MAS1: variants seen among roughly 807,000 people sequenced by gnomAD.
MAS1 encodes the protein MAS1 proto-oncogene, G protein-coupled receptor.
For synonymous variants in MAS1, 163 were observed against 164.2 expected, an observed-to-expected ratio of 0.99 and a Z score of 0.05; for missense variants, 387 against 409.7, an observed-to-expected ratio of 0.94 and a Z score of 0.48.
rs548639647 is a variant in MAS1 at position 159,891,604 on chromosome 6, C to T, written c.-244+471C>T. 2.6e-5 allele frequency among the ~76,000 whole-genome samples: 4 copies of T among 152,268 alleles called. No homozygotes were observed. The East Asian group carries it at 7.7e-4, about 29-fold the overall frequency. ...AGCTCTTTGGCATCACAGGGGCAAGCTGTATTGATTTTTCTTCATTTTTCC... is the reference window on the plus strand; with the variant it reads ...AGCTCTTTGGCATCACAGGGGCAAGTTGTATTGATTTTTCTTCATTTTTCC... On this transcript the variant is annotated intron_variant, in intron 1 of 2. Coordinates refer to ENST00000674077, the MANE Select transcript of MAS1 (RefSeq NM_002377.4).
chr6:159,890,292 G>A (rs1782682171), upstream of MAS1, among the ~76,000 whole-genome samples: 1 of 152,306 alleles, frequency 6.6e-6, no homozygotes, highest in Admixed American at 6.5e-5. Context: ...ACAGGGATCG[G>A]GGAAAAGGAA....
chr6:159,905,602 C>T (rs1372746709), intron 2 of MAS1, among the ~76,000 whole-genome samples: 4 of 152,254 alleles, frequency 2.6e-5, no homozygotes, highest in African/African-American at 9.6e-5. Context: ...AGCTCAGGGC[C>T]CTGCACATGC....
intron 2 of MAS1, among the ~76,000 whole-genome samples, chr6:159,901,895 A>G (rs1214125397): frequency 6.6e-6 from 1 of 152,132 alleles, no homozygotes; most frequent in East Asian, 1.9e-4. Flanking sequence ...GCAATTTGAA[A>G]CACCTTTCTC....
chr6:159,911,533 T>G lies in MAS1; in HGVS notation c.*3600T>G, dbSNP rs1340540022. On this transcript the variant is annotated 3_prime_UTR_variant, in exon 3 of 3. Transcript: ENST00000674077. ...TTCTTTTTTCAGTGAAGTACACCGC[T>G]GGTCACCCTGTCCCCCTTGCTATGC... 1 of 152,362 alleles carries G rather than the reference T, an allele frequency of 6.6e-6. No individual in the cohort carries two copies. The highest frequency in any genetic ancestry group is 1.5e-5 in the Non-Finnish European group (1 of 68,370). 9.4% of individuals were successfully genotyped at this position (152,362 alleles called of 1,614,324 possible).
chr6:159,908,462 C>G lies in MAS1; in HGVS notation c.*529C>G, dbSNP rs1444581991. 1 of 152,220 alleles carries G rather than the reference C, an allele frequency of 6.6e-6. No homozygotes were observed. The highest frequency in any genetic ancestry group is 1.5e-5 in the Non-Finnish European group (1 of 68,324). 9.4% of individuals were successfully genotyped at this position (152,220 alleles called of 1,614,324 possible). A position where few individuals can be genotyped will look rare whatever the true frequency, so the allele number is the denominator to read the frequency against. On this transcript the variant is annotated 3_prime_UTR_variant, in exon 3 of 3. Coordinates refer to ENST00000674077, the MANE Select transcript of MAS1 (RefSeq NM_002377.4). ...GATGTTCAACAAATATCAGTCTCTC[C>G]TCACTCCCTTCAATGGTAGACAAGA...
At chr6:159,896,948 A>C (rs1782760567) in intron 1 of MAS1, among the ~76,000 whole-genome samples, 1 of 152,002 alleles carries the variant, frequency 6.6e-6, no homozygotes, top group Non-Finnish European at 1.5e-5. Context: ...TTCTTGGCTC[A>C]CTGCAAGCTC....
chr6:159,892,066 C>T (rs1023342537), intron 1 of MAS1, among the ~76,000 whole-genome samples: 12 of 152,138 alleles, frequency 7.9e-5, no homozygotes, highest in African/African-American at 2.9e-4. Flanking sequence ...AATCACCTTC[C>T]CCCCTTTTAG....
chr6:159,901,812 A>G (rs1782825180), intron 2 of MAS1, among the ~76,000 whole-genome samples: 1 of 151,496 alleles, frequency 6.6e-6, no homozygotes, highest in Non-Finnish European at 1.5e-5. Context: ...ACGACCACAC[A>G]GCTGCACTCT....
chr6:159,898,668 T>TCCCCTTCCTCCTCCTC (rs1782788406), intron 1 of MAS1, among the ~76,000 whole-genome samples: 3 of 48,466 alleles, frequency 6.2e-5, no homozygotes, highest in Admixed American at 2.5e-4. Context: ...CCCTCCTCCT[T>TCCCCTTCCTCCTCCTC]CCTCTTCCTC....
In MAS1 at chr6:159,907,618, C is replaced by T; in HGVS notation, c.663C>T (p.Ser221=). The T allele has an allele frequency of 6.2e-7, 1 of 1,613,652 alleles. No homozygotes were observed. The highest frequency in any genetic ancestry group is 8.5e-7 in the Non-Finnish European group (1 of 1,179,916). ...VVKIRKNTWA[S]HSSKLYIVIM... ...AGATCCGGAAGAACACGTGGGCTTCCCATTCCTCCAAGCTTTACATAGTCA... is the reference window on the plus strand; with the variant it reads ...AGATCCGGAAGAACACGTGGGCTTCTCATTCCTCCAAGCTTTACATAGTCA... Residue 221 remains serine, a synonymous_variant, in exon 3 of 3, where the codon TCC becomes TCT. Transcript: ENST00000674077.
chr6:159,889,592 C>T (rs138085860), upstream of MAS1, among the ~76,000 whole-genome samples: 1 of 152,280 alleles, frequency 6.6e-6, no homozygotes, highest in African/African-American at 2.4e-5. Flanking sequence ...TCTTTTCTGC[C>T]TTGCAGTCTG....
intron 1 of MAS1, among the ~76,000 whole-genome samples, chr6:159,893,690 A>G (rs1276394558): frequency 1.3e-5 from 2 of 152,228 alleles, no homozygotes; most frequent in Non-Finnish European, 2.9e-5. Flanking sequence ...ACATAGAAAT[A>G]CAGCCATAGG....
intron 2 of MAS1, among the ~76,000 whole-genome samples, chr6:159,903,150 C>G (rs1293231078): frequency 6.6e-6 from 1 of 152,140 alleles, no homozygotes; most frequent in Admixed American, 6.6e-5. Flanking sequence ...CCTGACACCG[C>G]TGGGACCTCC....
upstream of MAS1, among the ~76,000 whole-genome samples, chr6:159,889,585 T>C (rs559143774): frequency 1.7e-4 from 26 of 152,368 alleles, no homozygotes; most frequent in African/African-American, 6.3e-4. Context: ...TGCTCCTTCT[T>C]TTCTGCCTTG....
Position 159,907,913 on chromosome 6 carries a change from A to G in MAS1, c.958A>G (p.Thr320Ala), listed in dbSNP as rs778343545. ...RRQKDNCNTV[T>A]VETVV Reference sequence around the variant, plus strand: ...CCAGAAAGACAATTGTAATACGGTCACAGTTGAGACTGTCGTCTAAGAACT... The same window carrying G: ...CCAGAAAGACAATTGTAATACGGTCGCAGTTGAGACTGTCGTCTAAGAACT... The change falls in exon 3 of 3, where the codon ACA (threonine) becomes GCA (alanine). Residue 320 changes from threonine to alanine, a missense_variant. Thr to Ala is a moderately conservative substitution (Grantham distance 58). Coordinates refer to ENST00000674077, the MANE Select transcript of MAS1 (RefSeq NM_002377.4). 4 of 1,599,454 alleles carry G rather than the reference A, an allele frequency of 2.5e-6. 1 individual carries two copies. The South Asian group carries it at 3.4e-5, about 14-fold the overall frequency.
At chr6:159,903,197 C>T (rs1782843581) in intron 2 of MAS1, among the ~76,000 whole-genome samples, 1 of 151,848 alleles carries the variant, frequency 6.6e-6, no homozygotes, top group African/African-American at 2.4e-5. Flanking sequence ...CATCTGTTAC[C>T]TCCCTCATGC....
chr6:159,898,632 TCTTCCTCCTCCCTCTTCCTCCTCCTC>T (rs1782786119), intron 1 of MAS1, among the ~76,000 whole-genome samples: 2 of 102,668 alleles, frequency 1.9e-5, no homozygotes, highest in Non-Finnish European at 4.0e-5. Flanking sequence ...TCCTCCCTCT[TCTTCCTCCTCCCTCTTCCTCCTCCTC>T]CCTCCTCCTT....
chr6:159,890,219 A>C (rs1201176219), upstream of MAS1, among the ~76,000 whole-genome samples: 1 of 152,200 alleles, frequency 6.6e-6, no homozygotes, highest in African/African-American at 2.4e-5. Flanking sequence ...TTGGTTTTTA[A>C]AAGGTAGAAA....
rs1017913203 is a variant in MAS1, at chr6:159,913,205, A to G, written c.*5272A>G. On this transcript the variant is annotated 3_prime_UTR_variant, in exon 3 of 3. Transcript: ENST00000674077. Reference sequence around the variant, plus strand: ...TGGTGAAACCCCATCTCTGCTGAAAATACAAAAATTAGCTGGGTGTGGTGG... The same window carrying G: ...TGGTGAAACCCCATCTCTGCTGAAAGTACAAAAATTAGCTGGGTGTGGTGG... 6.6e-6 allele frequency: 1 copy of G among 152,166 alleles called. No homozygotes were observed. Among genetic ancestry groups the G allele is most frequent in the African/African-American group, 2.4e-5 (1 of 41,420 alleles). 9.4% of individuals were successfully genotyped at this position (152,166 alleles called of 1,614,324 possible). A position where few individuals can be genotyped will look rare whatever the true frequency, so the allele number is the denominator to read the frequency against.
Sources: allele counts gnomAD v4.1 joint callset (sites outside exome capture counted in the v4.1 genomes callset), GRCh38; gene constraint gnomAD v4.1.1; transcripts MANE v1.5; gene names NCBI Gene and HGNC (gene_info 2026-07-23, HGNC 2026-07-21).